Variants in APBB2 observed in about 807,000 individuals in gnomAD.
The protein encoded by APBB2 is amyloid beta precursor protein binding family B member 2, also known as Fe65-like 1.
APBB2 carries 38 observed loss-of-function variants against 82.5 expected under a neutral mutation model. That is an observed-to-expected ratio of 0.46 (90% CI 0.36 to 0.60). APBB2 has a LOEUF of 0.60. Ranked by LOEUF, APBB2 falls within the 20% of genes least tolerant of loss-of-function variation. The pLI is 0.00. For missense variants in APBB2, 772 were observed against 972.3 expected (o/e 0.79, Z 2.74); for synonymous variants, 341 against 368.2 (o/e 0.93, Z 0.85).
chr4:41,120,639 A>G (rs1018286224), intron 2 of APBB2, among the ~76,000 whole-genome samples: 1 of 152,332 alleles, frequency 6.6e-6, no homozygotes, highest in Middle Eastern at 3.4e-3. Context: ...GATTGTTGAG[A>G]AAATGTGCCA....
chr4:41,178,311 A>G (rs1770371805), intron 1 of APBB2, among the ~76,000 whole-genome samples: 1 of 152,182 alleles, frequency 6.6e-6, no homozygotes, highest in Non-Finnish European at 1.5e-5. Flanking sequence ...TTCCTAAAGC[A>G]ATGTTGTGTT....
Position 41,117,292 on chromosome 4 carries a change from A to AT in APBB2, c.-260-16543dup, listed in dbSNP as rs199689787. The stretch of plus-strand genomic sequence containing the variant: ...AATTATTATTGTTGTTATTATTATT[A>AT]TTATTTTTTTTTTTTTTTGAGATGG... On this transcript the variant is annotated intron_variant, in intron 2 of 17. Transcript: ENST00000508593. 2.8e-3 allele frequency among the ~76,000 whole-genome samples: 366 copies of AT among 129,914 alleles called. 9 individuals are homozygous for AT. In the South Asian group the frequency reaches 0.035, roughly 13 times the overall value. The allele number at this position is 129,914 out of a possible 152,430, so 85.2% of individuals were successfully genotyped here.
chr4:41,164,976 A>C (rs1275981010), intron 1 of APBB2, among the ~76,000 whole-genome samples: 1 of 152,230 alleles, frequency 6.6e-6, no homozygotes, highest in Non-Finnish European at 1.5e-5. Flanking sequence ...TATTTTACAA[A>C]GGGCTTTAAG....
At position 41,125,102 on chromosome 4, in the gene APBB2, G is replaced by A. The variant is rs189661966; in HGVS notation, c.-261+17885C>T. ...TGGAATGAGAACTATTTTGATTGCAGGTGCTGCTGGAATTCAGGGTCATCT... is the reference window on the plus strand; with the variant it reads ...TGGAATGAGAACTATTTTGATTGCAAGTGCTGCTGGAATTCAGGGTCATCT... On this transcript the variant is annotated intron_variant, in intron 2 of 17. Coordinates refer to ENST00000508593, the MANE Select transcript of APBB2 (RefSeq NM_004307.2). Among the ~76,000 whole-genome samples, 546 of 152,276 alleles carry A rather than the reference G, an allele frequency of 3.6e-3. 2 individuals carry two copies. The highest frequency in any genetic ancestry group is 0.011 in the South Asian group (53 of 4,824).
chr4:40,839,916 C>T (rs183140063), intron 12 of APBB2, among the ~76,000 whole-genome samples: 4 of 152,306 alleles, frequency 2.6e-5, no homozygotes, highest in East Asian at 1.9e-4. Flanking sequence ...CCGCCCACCT[C>T]GGACTCCCAA....
intron 12 of APBB2, among the ~76,000 whole-genome samples, chr4:40,851,613 T>G (rs967381628): frequency 6.6e-6 from 1 of 151,794 alleles, no homozygotes; most frequent in Non-Finnish European, 1.5e-5. Flanking sequence ...CCAGACAAGC[T>G]TCCATGTTAT....
At chr4:40,825,385 C>T (rs553420766) in intron 15 of APBB2, among the ~76,000 whole-genome samples, 1 of 152,360 alleles carries the variant, frequency 6.6e-6, no homozygotes, top group African/African-American at 2.4e-5. Flanking sequence ...CTGGTGAAGG[C>T]TTCATCTCCC....
intron 4 of APBB2, among the ~76,000 whole-genome samples, chr4:41,058,121 C>A (rs1404856457): frequency 2.0e-5 from 3 of 152,160 alleles, no homozygotes; most frequent in African/African-American, 7.2e-5. Context: ...TCCAGGGCAT[C>A]CGATTCCTCC....
intron 10 of APBB2, among the ~76,000 whole-genome samples, chr4:40,921,848 C>T (rs750416779): frequency 3.3e-5 from 5 of 152,152 alleles, no homozygotes; most frequent in Non-Finnish European, 5.9e-5. Flanking sequence ...AGACAAGGGT[C>T]GCTTGCAGTT....
At chr4:41,212,715 A>G (rs553330845) in intron 1 of APBB2, among the ~76,000 whole-genome samples, 1 of 152,162 alleles carries the variant, frequency 6.6e-6, no homozygotes. Context: ...ATGGACAACG[A>G]AAGAACAGCA....
chr4:41,117,943 A>G (rs961044683), intron 2 of APBB2: 3 of 152,224 alleles, frequency 2.0e-5, no homozygotes, highest in Non-Finnish European at 4.4e-5. Context: ...GCAGTGGCTC[A>G]TATCTGTAAT....
At chr4:40,841,454 T>C (rs1233066991) in intron 12 of APBB2, among the ~76,000 whole-genome samples, 2 of 152,176 alleles carry the variant, frequency 1.3e-5, no homozygotes, top group Admixed American at 6.5e-5. Flanking sequence ...CAGGCGGACA[T>C]GCAGAGCATT....
intron 5 of APBB2, among the ~76,000 whole-genome samples, chr4:41,019,936 G>C (rs1811022282): frequency 6.6e-6 from 1 of 151,742 alleles, no homozygotes; most frequent in Admixed American, 6.6e-5. Context: ...GAGAGAGGAA[G>C]AGACAGACAA....
intron 6 of APBB2, among the ~76,000 whole-genome samples, chr4:41,007,167 G>A (rs925645182): frequency 1.3e-5 from 2 of 152,046 alleles, no homozygotes; most frequent in Non-Finnish European, 2.9e-5. Flanking sequence ...AGGTAACTGC[G>A]ATTAGATAAG....
At chr4:40,858,536 G>A (rs2465544) in intron 12 of APBB2, among the ~76,000 whole-genome samples, 121,066 of 149,924 alleles carry the variant, frequency 0.81, 49,338 homozygotes, top group African/African-American at 0.84. Flanking sequence ...AGTCTCATAC[G>A]CTCCTTTTAC....
At chr4:40,930,862 C>G (rs1784065719) in intron 10 of APBB2, among the ~76,000 whole-genome samples, 1 of 152,176 alleles carries the variant, frequency 6.6e-6, no homozygotes, top group Non-Finnish European at 1.5e-5. Context: ...ATTCTCCTGC[C>G]TCAGCCTCCT....
intron 17 of APBB2, among the ~76,000 whole-genome samples, chr4:40,818,397 T>C (rs1746560069): frequency 1.3e-5 from 2 of 152,320 alleles, no homozygotes; most frequent in African/African-American, 4.8e-5. Context: ...GAAAACCAAC[T>C]GTAGCCAAAG....
intron 6 of APBB2, among the ~76,000 whole-genome samples, chr4:40,951,264 G>A (rs1790063680): frequency 6.6e-6 from 1 of 151,980 alleles, no homozygotes; most frequent in African/African-American, 2.4e-5. Context: ...CAGTATGGGT[G>A]TTTCTCTATG....
chr4:41,090,370 G>C (rs1039511485), intron 3 of APBB2, among the ~76,000 whole-genome samples: 3 of 152,170 alleles, frequency 2.0e-5, no homozygotes, highest in African/African-American at 7.2e-5. Context: ...CCATCATCAT[G>C]GCAACCTTTA....
Sources: allele counts gnomAD v4.1 joint callset (sites outside exome capture counted in the v4.1 genomes callset), GRCh38; gene constraint gnomAD v4.1.1; transcripts MANE v1.5; gene names NCBI Gene and HGNC (gene_info 2026-07-23, HGNC 2026-07-21).